GRB2: variants seen among roughly 807,000 people sequenced by gnomAD.
GRB2 encodes the protein growth factor receptor-bound protein 2.
GRB2 carries 2 observed loss-of-function variants against 27.4 expected under a neutral mutation model. The ratio of observed to expected loss-of-function variants is 0.07; its 90% CI spans 0.03 to 0.23. GRB2 has a LOEUF of 0.23. GRB2 is among the 10% of genes least tolerant of loss of function. GRB2 has a pLI of 1.00. For synonymous variants in GRB2, 94 were observed against 99.6 expected (o/e 0.94, Z 0.33); for missense variants, 102 against 282.4 (o/e 0.36, Z 4.58).
Position 75,318,254 on chromosome 17 carries a change from C to A in GRB2, c.*2114G>T, listed in dbSNP as rs1046802653. Reference sequence around the variant, plus strand: ...GATATACACCAATTCCAAAATAAAACAATCAAATGGTCCAGGTGTAGAATG... The same window carrying A: ...GATATACACCAATTCCAAAATAAAAAAATCAAATGGTCCAGGTGTAGAATG... On this transcript the variant is annotated 3_prime_UTR_variant, in exon 6 of 6. Transcript: ENST00000316804. The A allele has an allele frequency of 2.6e-5, 4 of 152,048 alleles. No homozygotes were observed. The highest frequency in any genetic ancestry group is 5.9e-5 in the Non-Finnish European group (4 of 68,008). 9.4% of individuals were successfully genotyped at this position (152,048 alleles called of 1,614,324 possible).
At position 75,379,882 on chromosome 17, in the gene GRB2, T is replaced by C. The variant is rs562612636; in HGVS notation, c.78+13669A>G. On this transcript the variant is annotated intron_variant, in intron 2 of 5. Coordinates refer to ENST00000316804, the MANE Select transcript of GRB2 (RefSeq NM_002086.5). ...ATGGAAACATGAACCTCTGGAAAAC[T>C]GCAATTTGTCTCATTAGTAATTTTA... 2.0e-5 allele frequency among the ~76,000 whole-genome samples: 3 copies of C among 152,336 alleles called. No individual in the cohort carries two copies. In the East Asian group the frequency reaches 5.8e-4, roughly 29 times the overall value.
At chr17:75,356,363 T>C (rs2145844205) in intron 2 of GRB2, among the ~76,000 whole-genome samples, 1 of 151,734 alleles carries the variant, frequency 6.6e-6, no homozygotes, top group South Asian at 2.1e-4. Context: ...TAAAAATTAG[T>C]TAGGTGTGGT....
intron 2 of GRB2, among the ~76,000 whole-genome samples, chr17:75,389,387 G>C (rs1458526584): frequency 6.6e-6 from 1 of 152,108 alleles, no homozygotes; most frequent in Non-Finnish European, 1.5e-5. Context: ...AACGACTCTA[G>C]CAGTTACAGT....
At chr17:75,397,017 T>A (rs1057489692) in intron 1 of GRB2, among the ~76,000 whole-genome samples, 1 of 152,210 alleles carries the variant, frequency 6.6e-6, no homozygotes, top group Non-Finnish European at 1.5e-5. Context: ...GCTTTCCTGC[T>A]GCTACTCAGC....
intron 2 of GRB2, among the ~76,000 whole-genome samples, chr17:75,365,266 G>A (rs929263176): frequency 2.6e-5 from 4 of 152,100 alleles, no homozygotes; most frequent in East Asian, 1.9e-4. Context: ...CTCATCTTAC[G>A]CTAGATCTCC....
At chr17:75,396,809 G>C (rs1003019896) in intron 1 of GRB2, among the ~76,000 whole-genome samples, 1 of 152,152 alleles carries the variant, frequency 6.6e-6, no homozygotes, top group African/African-American at 2.4e-5. Flanking sequence ...GGAAGCTGAA[G>C]AATATTTACA....
chr17:75,327,149 C>T lies in GRB2; in HGVS notation c.177-1129G>A, dbSNP rs531177675. 1.4e-3 allele frequency among the ~76,000 whole-genome samples: 209 copies of T among 149,722 alleles called. 4 individuals carry two copies. The South Asian group carries it at 0.025, about 18-fold the overall frequency. The stretch of plus-strand genomic sequence containing the variant: ...GTGGCACGATCTCGCTCACTGCAAG[C>T]TCTGCCTCCCGGGTTCACGCCATTC... On this transcript the variant is annotated intron_variant, in intron 3 of 5. Transcript: ENST00000316804.
chr17:75,369,343 C>G (rs1330576689), intron 2 of GRB2, among the ~76,000 whole-genome samples: 1 of 152,124 alleles, frequency 6.6e-6, no homozygotes, highest in East Asian at 1.9e-4. Flanking sequence ...ACAGGAGTAG[C>G]AGCACAATGT....
In GRB2 at chr17:75,318,344, G is replaced by C. The variant is rs2078430445; in HGVS notation, c.*2024C>G. The C allele has an allele frequency of 6.6e-6, 1 of 152,198 alleles. No individual in the cohort carries two copies. The highest frequency in any genetic ancestry group is 2.4e-5 in the African/African-American group (1 of 41,430). 9.4% of individuals were successfully genotyped at this position (152,198 alleles called of 1,614,324 possible). ...GATGAGGAAGAGTGAGGGAAGGCGG[G>C]GACAGGCTCTGCCCAGAAGAGCTGC... is the stretch of plus-strand genomic sequence containing the variant. On this transcript the variant is annotated 3_prime_UTR_variant, in exon 6 of 6. Transcript: ENST00000316804.
chr17:75,391,001 C>T (rs2078994781), intron 2 of GRB2, among the ~76,000 whole-genome samples: 1 of 152,144 alleles, frequency 6.6e-6, no homozygotes, highest in South Asian at 2.1e-4. Flanking sequence ...CAAATGAAGC[C>T]AGTTTACTTC....
rs185669802 is a variant in GRB2, at chr17:75,393,725, T to C, written c.-97A>G. The C allele has an allele frequency of 6.7e-5, 60 of 900,078 alleles. No homozygotes were observed. In the East Asian group the frequency reaches 1.4e-3, roughly 22 times the overall value. 55.8% of individuals were successfully genotyped at this position (900,078 alleles called of 1,614,324 possible). ...GCTCTGGGCTTAGCCTCGCCTCTCT[T>C]CTGGGACTCGCTCCGGCACTCTGGG... On this transcript the variant is annotated 5_prime_UTR_variant, in exon 2 of 6. Coordinates refer to ENST00000316804, the MANE Select transcript of GRB2 (RefSeq NM_002086.5).
chr17:75,386,212 G>T (rs185138198), intron 2 of GRB2, among the ~76,000 whole-genome samples: 139 of 151,920 alleles, frequency 9.1e-4, no homozygotes, highest in Middle Eastern at 3.4e-3. Context: ...TCTGCCTCCC[G>T]AGTTCAAGCG....
intron 2 of GRB2, among the ~76,000 whole-genome samples, chr17:75,343,420 AT>A (rs1196994226): frequency 6.6e-6 from 1 of 152,226 alleles, no homozygotes; most frequent in African/African-American, 2.4e-5. Flanking sequence ...CTATTCATGT[AT>A]TAAAAAAGTT....
chr17:75,397,244 GA>G (rs1344955504), intron 1 of GRB2, among the ~76,000 whole-genome samples: 2 of 151,600 alleles, frequency 1.3e-5, no homozygotes, highest in Non-Finnish European at 2.9e-5. Flanking sequence ...TTTCAGTAAA[GA>G]CAAAAAAAAA....
intron 1 of GRB2, among the ~76,000 whole-genome samples, chr17:75,395,778 T>C (rs533044131): frequency 6.6e-5 from 10 of 152,246 alleles, no homozygotes; most frequent in Non-Finnish European, 7.3e-5. Context: ...ATCAGTAGTA[T>C]GTTATGAAAT....
At chr17:75,321,169 C>CTTTTTT (rs61287852) in intron 5 of GRB2, among the ~76,000 whole-genome samples, 20 of 120,062 alleles carry the variant, frequency 1.7e-4, no homozygotes, top group African/African-American at 4.5e-4. Context: ...AACAACAAAT[C>CTTTTTT]TTTTTTTTTT....
intron 2 of GRB2, among the ~76,000 whole-genome samples, chr17:75,355,809 C>T (rs1182874378): frequency 2.0e-5 from 3 of 146,560 alleles, no homozygotes; most frequent in Non-Finnish European, 3.0e-5. Context: ...CTTAATTTTC[C>T]TTTCTTCTTT....
chr17:75,355,440 A>C (rs1378499213), intron 2 of GRB2, among the ~76,000 whole-genome samples: 1 of 152,128 alleles, frequency 6.6e-6, no homozygotes, highest in Admixed American at 6.5e-5. Context: ...CTTGTTATAA[A>C]AGCTTTCAAG....
chr17:75,374,821 A>T (rs557493587), intron 2 of GRB2, among the ~76,000 whole-genome samples: 52 of 152,260 alleles, frequency 3.4e-4, no homozygotes, highest in African/African-American at 1.2e-3. Flanking sequence ...AGCTACTACT[A>T]TCATGACATT....
Sources: allele counts gnomAD v4.1 joint callset (sites outside exome capture counted in the v4.1 genomes callset), GRCh38; gene constraint gnomAD v4.1.1; transcripts MANE v1.5; gene names NCBI Gene and HGNC (gene_info 2026-07-23, HGNC 2026-07-21).